CUBN: variants seen among roughly 807,000 people sequenced by gnomAD.
CUBN encodes the protein 460 kDa receptor.
A neutral mutation model predicts 405.3 loss-of-function variants in CUBN; 282 were observed. The observed-to-expected ratio is 0.70, with a 90% CI of 0.63 to 0.77. The LOEUF (loss-of-function observed/expected upper bound fraction) is 0.77, where lower values mean the gene tolerates loss of function less well. Ranked by LOEUF, CUBN falls within the 30% of genes least tolerant of loss-of-function variation. The probability of loss-of-function intolerance (pLI) is 0.00; values close to 1 mark genes in which losing one functional copy is unlikely to be tolerated. For missense variants in CUBN, 4,514 were observed against 4,475.2 expected (o/e 1.01, Z -0.25); for synonymous variants, 1,684 against 1,617.0 (o/e 1.04, Z -0.99).
At chr10:16,833,065 G>A (rs1257706265) in intron 64 of CUBN, among the ~76,000 whole-genome samples, 1 of 152,182 alleles carries the variant, frequency 6.6e-6, no homozygotes, top group Non-Finnish European at 1.5e-5. Flanking sequence ...CGGCTGGAAA[G>A]CAAGGCTTTG....
At chr10:17,009,960 T>C (rs1455389454) in intron 28 of CUBN, among the ~76,000 whole-genome samples, 1 of 152,250 alleles carries the variant, frequency 6.6e-6, no homozygotes, top group Non-Finnish European at 1.5e-5. Context: ...ACTGTCTTTC[T>C]ACCATCTCAT....
intron 48 of CUBN, among the ~76,000 whole-genome samples, chr10:16,911,398 T>C (rs1841729577): frequency 6.6e-6 from 1 of 152,162 alleles, no homozygotes; most frequent in East Asian, 1.9e-4. Flanking sequence ...TGTGTGTTTG[T>C]GGTGGCAAAG....
Position 16,840,339 on chromosome 10 carries a change from G to A in CUBN, c.10023C>T (p.Asp3341=), listed in dbSNP as rs1440528709. 6.2e-7 allele frequency: 1 copy of A among 1,614,002 alleles called. No individual in the cohort carries two copies. The change falls in exon 62 of 67, where the codon GAC becomes GAT. Residue 3341 remains aspartate, a synonymous_variant. Coordinates refer to ENST00000377833, the MANE Select transcript of CUBN (RefSeq NM_001081.4). ...DCTQNYLQLQ[D]SPQGHGNSRF... ...ATCTTATAATTGTTACCTGCGGTGA[G>A]TCCTGAAGCTGTAAGTAATTCTGCG...
intron 29 of CUBN, among the ~76,000 whole-genome samples, chr10:16,988,143 C>A (rs1353425204): frequency 6.6e-6 from 1 of 152,168 alleles, no homozygotes; most frequent in Non-Finnish European, 1.5e-5. Flanking sequence ...ATGACACAAC[C>A]CGAAACACAA....
intron 27 of CUBN, among the ~76,000 whole-genome samples, chr10:17,031,886 T>C (rs923339409): frequency 1.3e-5 from 2 of 152,208 alleles, no homozygotes; most frequent in African/African-American, 2.4e-5. Context: ...CAAACACTGA[T>C]TTACGCTTCA....
intron 22 of CUBN, among the ~76,000 whole-genome samples, chr10:17,050,664 G>A (rs558208637): frequency 9.2e-5 from 14 of 152,252 alleles, no homozygotes; most frequent in Non-Finnish European, 5.9e-5. Flanking sequence ...ATTCCAGAAT[G>A]GGGATACCTC....
intron 22 of CUBN, among the ~76,000 whole-genome samples, chr10:17,048,263 T>C (rs967307821): frequency 1.3e-5 from 2 of 152,278 alleles, no homozygotes; most frequent in Non-Finnish European, 2.9e-5. Flanking sequence ...GGTCATTTAC[T>C]TTATAAGGAA....
chr10:17,113,006 C>T (rs1836805815), intron 8 of CUBN, among the ~76,000 whole-genome samples: 1 of 152,196 alleles, frequency 6.6e-6, no homozygotes. Flanking sequence ...TGGCTCACGC[C>T]TGTAATCCCA....
At chr10:17,060,057 T>C (rs145013038) in intron 22 of CUBN, among the ~76,000 whole-genome samples, 29 of 152,212 alleles carry the variant, frequency 1.9e-4, no homozygotes, top group African/African-American at 6.5e-4. Context: ...ATGGCCAAGA[T>C]AAAATATGAA....
At chr10:17,124,471 C>T (rs1429301291) in intron 4 of CUBN, among the ~76,000 whole-genome samples, 1 of 151,592 alleles carries the variant, frequency 6.6e-6, no homozygotes, top group East Asian at 1.9e-4. Context: ...CTCTGTCGCC[C>T]AGGCTGGAGT....
chr10:17,084,234 G>T, intron 17 of CUBN, 37 bp downstream of exon 17: 5 of 1,600,958 alleles, frequency 3.1e-6, no homozygotes, highest in Non-Finnish European at 4.3e-6. Flanking sequence ...AAATGTTGAT[G>T]AATGTCATCT....
chr10:16,931,908 A>AT (rs1430163916), intron 40 of CUBN, among the ~76,000 whole-genome samples: 1 of 152,218 alleles, frequency 6.6e-6, no homozygotes, highest in Non-Finnish European at 1.5e-5. Flanking sequence ...TTTCAAAGAT[A>AT]TTTTTTAAAA....
intron 59 of CUBN, among the ~76,000 whole-genome samples, chr10:16,864,650 T>C (rs967049488): frequency 7.3e-6 from 1 of 136,462 alleles, no homozygotes; most frequent in African/African-American, 3.0e-5. Context: ...TATGTCTTTT[T>C]TTCTTTCTTT....
In CUBN at chr10:16,836,378, T is replaced by G; in HGVS notation, c.10037A>C (p.His3346Pro). ...ACAGAACTGAAATCTTGAATTTCCG[T>G]GACCCTGAAATGAAATGGGAGCCAA... ...YLQLQDSPQG[H>P]GNSRFQFCGR... Residue 3346 changes from histidine (H) to proline (P), a missense_variant, in exon 63 of 67, where the codon CAC becomes CCC. This residue lies in a region of CUBN where 1,186 missense variants were observed against 1,186.9 expected (regional missense o/e 1.00). Transcript: ENST00000377833. 1 of 1,614,052 alleles carries G rather than the reference T, an allele frequency of 6.2e-7. No individual in the cohort carries two copies. Among genetic ancestry groups the G allele is most frequent in the Non-Finnish European group, 8.5e-7 (1 of 1,179,882 alleles).
Position 17,084,426 on chromosome 10 carries a change from C to T in CUBN, c.2146G>A (p.Glu716Lys). ...LRCGGNYTDP[E>K]GELFLPELSG... ...AACTCAGGCAAGAAGAGTTCACCCT[C>T]TGGGTCCGTGTAGTTCCCACCACAA... The change falls in exon 17 of 67, where the codon GAG becomes AAG. Residue 716 changes from glutamate to lysine, a missense_variant. Coordinates refer to ENST00000377833, the MANE Select transcript of CUBN (RefSeq NM_001081.4). 6.2e-7 allele frequency: 1 copy of T among 1,613,874 alleles called. No individual in the cohort carries two copies. Among genetic ancestry groups the T allele is most frequent in the Non-Finnish European group, 8.5e-7 (1 of 1,179,962 alleles).
At chr10:17,051,432 A>C (rs1355045169) in intron 22 of CUBN, among the ~76,000 whole-genome samples, 11 of 152,138 alleles carry the variant, frequency 7.2e-5, no homozygotes, top group Non-Finnish European at 1.6e-4. Context: ...GTCAAGAAAA[A>C]TGTGGTCATA....
chr10:17,071,790 G>A (rs1314256005), intron 18 of CUBN, 37 bp downstream of exon 18: 1 of 1,601,918 alleles, frequency 6.2e-7, no homozygotes, highest in Non-Finnish European at 8.5e-7. Context: ...ATTACAATCA[G>A]GCAAATTAGA....
In CUBN at chr10:17,129,724, G is replaced by C; in HGVS notation, c.42C>G (p.Thr14=). The change falls in exon 1 of 67, where the codon ACC becomes ACG. Residue 14 remains threonine, a synonymous_variant. Transcript: ENST00000377833. ...MSLPFLWSLL[T]LLIFAEVNGE... is the part of the protein sequence containing the mutation. ...CATTTACTTCAGCAAATATTAATAA[G>C]GTAAGCAAACTCCAAAGAAAAGGTA... 1 of 1,614,004 alleles carries C rather than the reference G, an allele frequency of 6.2e-7. No homozygotes were observed. The highest frequency in any genetic ancestry group is 1.1e-5 in the South Asian group (1 of 91,082).
rs371929088 is a variant in CUBN at position 17,041,245 on chromosome 10, A to T, written c.3830-25T>A. On this transcript the variant is annotated intron_variant, in intron 26 of 66. Coordinates refer to ENST00000377833, the MANE Select transcript of CUBN (RefSeq NM_001081.4). ...GCTGGAAAAAGAAATGACTGTTAAG[A>T]ACCACTATTATATACTTCATAAGTG... 2.5e-6 allele frequency: 4 copies of T among 1,586,828 alleles called. No homozygotes were observed. The East Asian group carries it at 6.7e-5, about 27-fold the overall frequency.
Sources: gnomAD v4.1 joint callset for allele counts (sites outside exome capture counted in the v4.1 genomes callset) on GRCh38, gnomAD v4.1.1 for gene constraint, gnomAD v4.1.1 regional missense constraint, MANE v1.5 for transcripts, NCBI Gene and HGNC (gene_info 2026-07-23, HGNC 2026-07-21) for gene names.